Variants in COL8A1 observed in about 807,000 individuals in gnomAD.
The protein encoded by COL8A1 is collagen type VIII alpha 1 chain, also known as collagen alpha-1(VIII) chain.
In COL8A1, 21 loss-of-function variants were observed where a neutral mutation model predicts 42.7. That is an observed-to-expected ratio of 0.49 (90% confidence interval 0.35 to 0.71). The LOEUF is 0.71. Among genes scored for constraint, COL8A1 ranks in the 30% least tolerant of loss-of-function variants. The pLI is 0.01. For synonymous variants in COL8A1, 367 were observed against 369.1 expected, an observed-to-expected ratio of 0.99 and a Z score of 0.06; for missense variants, 788 against 962.4, an observed-to-expected ratio of 0.82 and a Z score of 2.40.
At chr3:99,762,207 G>GGCT (rs1300821436) in intron 2 of COL8A1, among the ~76,000 whole-genome samples, 1 of 152,142 alleles carries the variant, frequency 6.6e-6, no homozygotes, top group Admixed American at 6.6e-5. Flanking sequence ...TATTTGAACT[G>GGCT]GCTGCTCTGT....
chr3:99,669,146 T>TATATATATATAGAGAGAGAGAG, intron 1 of COL8A1, among the ~76,000 whole-genome samples: 13 of 115,360 alleles, frequency 1.1e-4, no homozygotes, highest in Admixed American at 1.0e-3. Context: ...TATATATATA[T>TATATATATATAGAGAGAGAGAG]AGAGGGAGAG....
chr3:99,709,012 G>A (rs1939759559), intron 1 of COL8A1, among the ~76,000 whole-genome samples: 1 of 151,886 alleles, frequency 6.6e-6, no homozygotes, highest in South Asian at 2.1e-4. Context: ...CCCTGGACAA[G>A]CAGGCTTAAC....
At chr3:99,710,531 CA>C (rs927247220) in intron 1 of COL8A1, among the ~76,000 whole-genome samples, 1 of 152,124 alleles carries the variant, frequency 6.6e-6, no homozygotes, top group African/African-American at 2.4e-5. Flanking sequence ...TTTAATGAAC[CA>C]AAGCTGTGGA....
At chr3:99,723,446 C>A (rs1282675857) in intron 1 of COL8A1, among the ~76,000 whole-genome samples, 1 of 152,018 alleles carries the variant, frequency 6.6e-6, no homozygotes, top group East Asian at 1.9e-4. Flanking sequence ...AGCAATATTG[C>A]CCCTTAAAAC....
At chr3:99,782,092 T>C (rs1447720102) in intron 2 of COL8A1, among the ~76,000 whole-genome samples, 1 of 152,194 alleles carries the variant, frequency 6.6e-6, no homozygotes, top group Non-Finnish European at 1.5e-5. Context: ...GGTTTCTCAG[T>C]AAGCTTCACA....
At chr3:99,683,284 C>G (rs1046447155) in intron 1 of COL8A1, among the ~76,000 whole-genome samples, 3 of 151,956 alleles carry the variant, frequency 2.0e-5, no homozygotes, top group Non-Finnish European at 4.4e-5. Context: ...TTTTACCCAG[C>G]CAGGGCTTGG....
intron 2 of COL8A1, among the ~76,000 whole-genome samples, chr3:99,769,730 C>T (rs1382282429): frequency 1.3e-5 from 2 of 152,118 alleles, no homozygotes; most frequent in African/African-American, 2.4e-5. Context: ...ACCAGCCTGG[C>T]CAACATGGTG....
At position 99,696,103 on chromosome 3, in the gene COL8A1, C is replaced by T. The variant is rs149583208; in HGVS notation, c.-128-48794C>T. ...GAGCCAAGATTGCACCACTGCACTC[C>T]GGCCTGGGCGACAGAGTGAGGCTCC... is the stretch of plus-strand genomic sequence containing the variant. On this transcript the variant is annotated intron_variant, in intron 1 of 3. Coordinates refer to ENST00000652472, the MANE Select transcript of COL8A1 (RefSeq NM_020351.4). Among the ~76,000 whole-genome samples, 554 of 152,226 alleles carry T rather than the reference C, an allele frequency of 3.6e-3. 4 individuals are homozygous for T. The highest frequency in any genetic ancestry group is 0.013 in the African/African-American group (537 of 41,526).
chr3:99,672,046 A>G (rs182729405), intron 1 of COL8A1, among the ~76,000 whole-genome samples: 1 of 152,188 alleles, frequency 6.6e-6, no homozygotes, highest in African/African-American at 2.4e-5. Flanking sequence ...ATGCTGAGTT[A>G]ACCACTTTAG....
At chr3:99,784,049 AT>A (rs1317848183) in intron 2 of COL8A1, among the ~76,000 whole-genome samples, 1 of 152,218 alleles carries the variant, frequency 6.6e-6, no homozygotes, top group East Asian at 1.9e-4. Context: ...AGCTTGTCTT[AT>A]GTAAGAGAAG....
At chr3:99,649,395 G>A (rs1415492194) in intron 1 of COL8A1, among the ~76,000 whole-genome samples, 1 of 152,110 alleles carries the variant, frequency 6.6e-6, no homozygotes, top group Non-Finnish European at 1.5e-5. Context: ...GAAAAAAATA[G>A]AGGTAGGGGA....
intron 1 of COL8A1, among the ~76,000 whole-genome samples, chr3:99,669,799 CA>C (rs1432841931): frequency 1.3e-5 from 2 of 151,978 alleles, no homozygotes; most frequent in African/African-American, 2.4e-5. Flanking sequence ...GGAGCAGAAA[CA>C]AAGTTTATAT....
chr3:99,746,967 G>A (rs1300478090), intron 2 of COL8A1, among the ~76,000 whole-genome samples: 1 of 152,088 alleles, frequency 6.6e-6, no homozygotes, highest in Non-Finnish European at 1.5e-5. Flanking sequence ...AACTCTTAAT[G>A]TTTTATGTAG....
intron 2 of COL8A1, among the ~76,000 whole-genome samples, chr3:99,759,059 C>G (rs889953336): frequency 1.5e-4 from 22 of 150,424 alleles, no homozygotes; most frequent in African/African-American, 5.4e-4. Context: ...GACAGCCCAT[C>G]TAAAGTTGCA....
At chr3:99,763,328 A>T (rs1461968032) in intron 2 of COL8A1, among the ~76,000 whole-genome samples, 1 of 152,174 alleles carries the variant, frequency 6.6e-6, no homozygotes, top group Non-Finnish European at 1.5e-5. Context: ...AGTCAGAGAA[A>T]TGTACTCTGG....
chr3:99,736,788 G>C (rs1940731865), intron 1 of COL8A1, among the ~76,000 whole-genome samples: 1 of 150,358 alleles, frequency 6.7e-6, no homozygotes, highest in Non-Finnish European at 1.5e-5. Context: ...GGGTATCCTT[G>C]TTGACTTTCT....
At chr3:99,764,701 C>CTTTT (rs10648559) in intron 2 of COL8A1, among the ~76,000 whole-genome samples, 57 of 125,028 alleles carry the variant, frequency 4.6e-4, no homozygotes, top group Admixed American at 7.2e-4. Context: ...TCTTTTTTTT[C>CTTTT]TTTTTTTTTT....
chr3:99,740,092 G>A (rs1355515257), intron 1 of COL8A1, among the ~76,000 whole-genome samples: 1 of 152,136 alleles, frequency 6.6e-6, no homozygotes, highest in East Asian at 1.9e-4. Context: ...CTTTATTCCA[G>A]TTTCCAACAA....
chr3:99,716,309 G>C (rs1939993786), intron 1 of COL8A1, among the ~76,000 whole-genome samples: 1 of 151,954 alleles, frequency 6.6e-6, no homozygotes, highest in Admixed American at 6.6e-5. Flanking sequence ...TTTTTTATCT[G>C]AATTCTTACA....
Sources: allele counts gnomAD v4.1 joint callset (sites outside exome capture counted in the v4.1 genomes callset), GRCh38; gene constraint gnomAD v4.1.1; transcripts MANE v1.5; gene names NCBI Gene and HGNC (gene_info 2026-07-23, HGNC 2026-07-21).